C1orf52: variants seen among roughly 807,000 people sequenced by gnomAD.
C1orf52 encodes the protein UPF0690 protein C1orf52.
A neutral mutation model predicts 17.2 loss-of-function variants in C1orf52; 5 were observed. That is an observed-to-expected ratio of 0.29 (90% CI 0.15 to 0.61). C1orf52 has a LOEUF of 0.61. Among genes scored for constraint, C1orf52 ranks in the 20% least tolerant of loss-of-function variants. C1orf52 has a pLI of 0.85. For missense variants in C1orf52, 245 were observed against 234.1 expected (o/e 1.05, Z -0.30); for synonymous variants, 110 against 88.0 (o/e 1.25, Z -1.40).
At chr1:85,258,824 CT>C (rs890915768) in intron 1 of C1orf52, 102 bp from the exon 2 acceptor site, 91 of 1,394,144 alleles carry the variant, frequency 6.5e-5, no homozygotes, top group African/African-American at 2.6e-4. Flanking sequence ...TTCAGGCTGA[CT>C]TTTTTTTTCT....
In C1orf52 at chr1:85,259,627, C is replaced by T. The variant is rs758178782; in HGVS notation, c.7G>A (p.Ala3Thr). Residue 3 changes from alanine to threonine, a missense_variant, in exon 1 of 3, where the codon GCG becomes ACG. Physicochemically the swap from Ala to Thr is moderately conservative, Grantham distance 58. Coordinates refer to ENST00000471115, the MANE Select transcript of C1orf52 (RefSeq NM_198077.4). MA[A>T]EEKDPLSYFA... The stretch of plus-strand genomic sequence containing the variant: ...TAGCTCAGAGGGTCCTTCTCCTCCG[C>T]TGCCATGACGGCTGCGAGCGACAAC... The T allele has an allele frequency of 4.7e-5, 73 of 1,554,380 alleles. No homozygotes were observed. The highest frequency in any genetic ancestry group is 7.8e-5 in the Admixed American group (4 of 51,426).
At position 85,252,512 on chromosome 1, in the gene C1orf52, T is replaced by G. The variant is rs1659823719; in HGVS notation, c.*117A>C. ...AAGTTCTTGAGGCAATACTTATTAG[T>G]TCATTAACGTATGCATTTTCATGGA... On this transcript the variant is annotated 3_prime_UTR_variant, in exon 3 of 3. Coordinates refer to ENST00000471115, the MANE Select transcript of C1orf52 (RefSeq NM_198077.4). The G allele has an allele frequency of 1.8e-5, 14 of 779,868 alleles. No homozygotes were observed. The allele number at this position is 779,868 out of a possible 1,614,324, so 48.3% of individuals were successfully genotyped here.
Position 85,259,646 on chromosome 1 carries a change from C to CT in C1orf52, c.-14_-13insA. 4 of 1,530,208 alleles carry CT rather than the reference C, an allele frequency of 2.6e-6. No individual in the cohort carries two copies. Among genetic ancestry groups the CT allele is most frequent in the Non-Finnish European group, 3.5e-6 (4 of 1,136,068 alleles). The allele number at this position is 1,530,208 out of a possible 1,614,324, so 94.8% of individuals were successfully genotyped here. A position where few individuals can be genotyped will look rare whatever the true frequency, so the allele number is the denominator to read the frequency against. ...CCTCCGCTGCCATGACGGCTGCGAGCGACAACCCAGCACTCCGCCGGAAGC... is the reference window on the plus strand; with the variant it reads ...CCTCCGCTGCCATGACGGCTGCGAGCTGACAACCCAGCACTCCGCCGGAAGC... On this transcript the variant is annotated 5_prime_UTR_variant, in exon 1 of 3. Transcript: ENST00000471115.
Position 85,252,460 on chromosome 1 carries a change from T to C in C1orf52, c.*169A>G, listed in dbSNP as rs1659822689. 1.7e-6 allele frequency: 1 copy of C among 580,488 alleles called. No individual in the cohort carries two copies. Among genetic ancestry groups the C allele is most frequent in the East Asian group, 3.1e-5 (1 of 32,130 alleles). The allele number at this position is 580,488 out of a possible 1,614,324, so 36.0% of individuals were successfully genotyped here. ...TTGAGTTTTAAATACATACATGTTT[T>C]AAATAAAAAAAGAATTCTATAGTGG... On this transcript the variant is annotated 3_prime_UTR_variant, in exon 3 of 3. Transcript: ENST00000471115.
At chr1:85,259,007 T>G in intron 1 of C1orf52, 1 of 1,322,744 alleles carries the variant, frequency 7.6e-7, no homozygotes, top group Non-Finnish European at 9.7e-7. Flanking sequence ...GACACTGTCT[T>G]GGAGGCAGCA....
At chr1:85,256,029 A>G (rs749911659) in intron 2 of C1orf52, among the ~76,000 whole-genome samples, 16 of 152,222 alleles carry the variant, frequency 1.1e-4, no homozygotes, top group African/African-American at 3.9e-4. Flanking sequence ...TTTTTTCCAT[A>G]TAACTACAAA....
chr1:85,256,778 G>A (rs369300338), intron 2 of C1orf52, among the ~76,000 whole-genome samples: 7 of 122,364 alleles, frequency 5.7e-5, no homozygotes, highest in Admixed American at 3.2e-4. Flanking sequence ...CAGCCTGGGC[G>A]ACTGACCGAG....
rs748421235 is a variant in C1orf52 at position 85,259,353 on chromosome 1, C to CGAG, written c.276+4_276+5insCTC. ...GAGACCGAGAAACGGGGTCGGGGACCTCACCTCCTCAGGCGCCTTGACGAC... is the reference window on the plus strand; with the variant it reads ...GAGACCGAGAAACGGGGTCGGGGACCGAGTCACCTCCTCAGGCGCCTTGACGAC... On this transcript the variant is annotated splice_donor_region_variant and intron_variant, in intron 1 of 2. Transcript: ENST00000471115. 34 of 1,607,658 alleles carry CGAG rather than the reference C, an allele frequency of 2.1e-5. No homozygotes were observed. The highest frequency in any genetic ancestry group is 2.9e-5 in the Non-Finnish European group (34 of 1,174,738).
At chr1:85,255,231 T>C (rs1157919868) in intron 2 of C1orf52, among the ~76,000 whole-genome samples, 1 of 152,124 alleles carries the variant, frequency 6.6e-6, no homozygotes, top group Non-Finnish European at 1.5e-5. Flanking sequence ...ATAACTAAGC[T>C]TTGCTTACCT....
intron 2 of C1orf52, chr1:85,257,585 C>A: frequency 1.5e-6 from 1 of 654,184 alleles, no homozygotes. Context: ...TAATCAGATA[C>A]GACTTTTAGA....
At chr1:85,258,484 G>A in intron 2 of C1orf52, 40 bp downstream of exon 2, 1 of 1,510,274 alleles carries the variant, frequency 6.6e-7, no homozygotes, top group African/African-American at 1.4e-5. Context: ...CCCATCACGG[G>A]GATCAAAATA....
intron 2 of C1orf52, among the ~76,000 whole-genome samples, chr1:85,254,696 T>C (rs1447278525): frequency 6.6e-6 from 1 of 152,256 alleles, no homozygotes; most frequent in African/African-American, 2.4e-5. Flanking sequence ...CGGCACCTTT[T>C]GCTTTTTAAC....
chr1:85,255,113 C>A (rs1236280934), intron 2 of C1orf52, among the ~76,000 whole-genome samples: 1 of 152,160 alleles, frequency 6.6e-6, no homozygotes, highest in East Asian at 1.9e-4. Flanking sequence ...GTAAGTTTAA[C>A]TTATCAATAG....
intron 1 of C1orf52, chr1:85,258,948 A>C: frequency 7.2e-7 from 1 of 1,396,446 alleles, no homozygotes; most frequent in Non-Finnish European, 9.3e-7. Flanking sequence ...AGAAGAATCC[A>C]GTCTCAGAGA....
rs1201731216 is a variant in C1orf52 at position 85,252,581 on chromosome 1, G to A, written c.*48C>T. 6.7e-7 allele frequency: 1 copy of A among 1,482,212 alleles called. No individual in the cohort carries two copies. The highest frequency in any genetic ancestry group is 9.4e-7 in the Non-Finnish European group (1 of 1,062,484). 91.8% of individuals were successfully genotyped at this position (1,482,212 alleles called of 1,614,324 possible). On this transcript the variant is annotated 3_prime_UTR_variant, in exon 3 of 3. Transcript: ENST00000471115. ...ACAATATCAACTTAATCTGTCCAAA[G>A]AAACATTTCAACAAGTTTAGCAGTA...
intron 2 of C1orf52, among the ~76,000 whole-genome samples, chr1:85,254,772 C>T (rs1163108738): frequency 1.3e-5 from 2 of 152,180 alleles, no homozygotes; most frequent in Non-Finnish European, 2.9e-5. Context: ...ATGGAAAGTA[C>T]TAAGTTTACT....
intron 2 of C1orf52, among the ~76,000 whole-genome samples, chr1:85,254,451 G>A (rs190848027): frequency 1.1e-4 from 16 of 151,690 alleles, no homozygotes; most frequent in African/African-American, 2.9e-4. Flanking sequence ...GAGTGCAGTG[G>A]CACCATCTCA....
intron 1 of C1orf52, 29 bp downstream of exon 1, chr1:85,259,329 A>C (rs1388470169): frequency 3.1e-6 from 5 of 1,601,146 alleles, no homozygotes; most frequent in Admixed American, 1.7e-5. Flanking sequence ...GCCGGGGCCG[A>C]GACCGAGAAA....
rs1288725873 is a variant in C1orf52 at position 85,259,546 on chromosome 1, C to T, written c.88G>A (p.Glu30Lys). The T allele has an allele frequency of 1.2e-6, 2 of 1,613,778 alleles. No homozygotes were observed. Among genetic ancestry groups the T allele is most frequent in the Non-Finnish European group, 1.7e-6 (2 of 1,179,970 alleles). The change falls in exon 1 of 3, where the codon GAG (glutamate) becomes AAG (lysine). Residue 30 changes from glutamate (E) to lysine (K), a missense_variant. Transcript: ENST00000471115. ...GTTCTGCGACTCGTCTCCTCCGGCT[C>T]GATGTTATCCTCCTCGTCCGAGGAG... is the stretch of plus-strand genomic sequence containing the variant. The part of the protein sequence containing the change: ...SGSSDEEDNI[E>K]PEETSRRTPD...
Sources: gnomAD v4.1 joint callset for allele counts (sites outside exome capture counted in the v4.1 genomes callset) on GRCh38, gnomAD v4.1.1 for gene constraint, MANE v1.5 for transcripts, NCBI Gene and HGNC (gene_info 2026-07-23, HGNC 2026-07-21) for gene names.